Variants in BICD1 observed in about 807,000 individuals in gnomAD.
The protein encoded by BICD1 is BICD cargo adaptor 1.
A neutral mutation model predicts 92.5 loss-of-function variants in BICD1; 35 were observed. The ratio of observed to expected loss-of-function variants is 0.38; its 90% CI spans 0.29 to 0.50. The LOEUF is 0.50. BICD1 is among the 20% of genes least tolerant of loss of function. The probability of loss-of-function intolerance (pLI) is 0.93; values close to 1 mark genes in which losing one functional copy is unlikely to be tolerated. For synonymous variants in BICD1, 429 were observed against 465.1 expected (o/e 0.92, Z 1.00); for missense variants, 950 against 1,189.8 (o/e 0.80, Z 2.97).
chr12:32,244,495 C>T (rs956872396), intron 2 of BICD1, among the ~76,000 whole-genome samples: 2 of 152,176 alleles, frequency 1.3e-5, no homozygotes, highest in East Asian at 3.8e-4. Flanking sequence ...TTGGAGTTAC[C>T]TCCAATTGCC....
chr12:32,197,232 C>T (rs1944754394), intron 1 of BICD1, among the ~76,000 whole-genome samples: 1 of 152,146 alleles, frequency 6.6e-6, no homozygotes, highest in Non-Finnish European at 1.5e-5. Context: ...TGGTCTTGAA[C>T]TCCTGACCTC....
intron 1 of BICD1, among the ~76,000 whole-genome samples, chr12:32,209,865 C>T (rs1043824999): frequency 6.6e-6 from 1 of 152,166 alleles, no homozygotes; most frequent in African/African-American, 2.4e-5. Flanking sequence ...ATAGTAGTCA[C>T]TAGCCATATA....
At chr12:32,342,798 A>G (rs1450356882) in intron 8 of BICD1, among the ~76,000 whole-genome samples, 1 of 152,230 alleles carries the variant, frequency 6.6e-6, no homozygotes, top group Non-Finnish European at 1.5e-5. Context: ...TTTTATTTCT[A>G]TGAGATGGTA....
At chr12:32,171,339 C>T (rs1017817962) in intron 1 of BICD1, among the ~76,000 whole-genome samples, 3 of 152,182 alleles carry the variant, frequency 2.0e-5, no homozygotes, top group Non-Finnish European at 4.4e-5. Context: ...GCCCCGAAGG[C>T]GATGCTGTGG....
At chr12:32,207,214 A>G (rs1180376176) in intron 1 of BICD1, among the ~76,000 whole-genome samples, 1 of 132,914 alleles carries the variant, frequency 7.5e-6, no homozygotes, top group Non-Finnish European at 1.6e-5. Flanking sequence ...TTTTTTGTGC[A>G]TATTCAATAT....
intron 6 of BICD1, 60 bp downstream of exon 6, chr12:32,334,727 A>G (rs1938029857): frequency 6.5e-7 from 1 of 1,546,976 alleles, no homozygotes; most frequent in Admixed American, 1.9e-5. Context: ...TTTAAAATTC[A>G]CAGCCCTGCC....
chr12:32,267,995 G>A (rs1218649568), intron 2 of BICD1, among the ~76,000 whole-genome samples: 1 of 152,116 alleles, frequency 6.6e-6, no homozygotes, highest in Non-Finnish European at 1.5e-5. Context: ...TGAAGAAATG[G>A]TGTCTTACTG....
chr12:32,342,910 A>G (rs1312373888), intron 8 of BICD1, among the ~76,000 whole-genome samples: 2 of 152,194 alleles, frequency 1.3e-5, no homozygotes, highest in East Asian at 3.9e-4. Context: ...ATTGTATAGT[A>G]ATTGATTAAT....
intron 1 of BICD1, among the ~76,000 whole-genome samples, chr12:32,203,338 A>G (rs960812569): frequency 2.0e-5 from 3 of 152,234 alleles, no homozygotes; most frequent in Admixed American, 1.3e-4. Flanking sequence ...TCATTGAGCC[A>G]TCTTAAAATC....
At chr12:32,377,462 T>A (rs1940016461) in intron 9 of BICD1, 78 bp from the exon 10 acceptor site, 9 of 1,133,756 alleles carry the variant, frequency 7.9e-6, no homozygotes, top group Non-Finnish European at 1.2e-5. Context: ...TATGCAAAAA[T>A]ATCTCGTCTA....
chr12:32,340,278 G>A, intron 8 of BICD1: 1 of 985,336 alleles, frequency 1.0e-6, no homozygotes, highest in Non-Finnish European at 1.2e-6. Flanking sequence ...AGTTGGAATG[G>A]TGTAATAGCC....
intron 2 of BICD1, among the ~76,000 whole-genome samples, chr12:32,223,213 C>A (rs1260536094): frequency 6.6e-6 from 1 of 152,140 alleles, no homozygotes; most frequent in Non-Finnish European, 1.5e-5. Context: ...CCTCTCTCAG[C>A]CTTCATAGAA....
chr12:32,284,879 C>T (rs570941440), intron 2 of BICD1, among the ~76,000 whole-genome samples: 4 of 152,144 alleles, frequency 2.6e-5, no homozygotes, highest in African/African-American at 4.8e-5. Context: ...CAGAGGTTCG[C>T]GACACTAGAC....
intron 9 of BICD1, among the ~76,000 whole-genome samples, chr12:32,372,423 T>A (rs1939774490): frequency 6.6e-6 from 1 of 152,066 alleles, no homozygotes. Flanking sequence ...GAGGTTGCAG[T>A]GAACCAAGAT....
At chr12:32,206,108 T>A (rs1160817149) in intron 1 of BICD1, among the ~76,000 whole-genome samples, 1 of 152,214 alleles carries the variant, frequency 6.6e-6, no homozygotes, top group African/African-American at 2.4e-5. Context: ...TATTCACCAA[T>A]TGATGGATAT....
chr12:32,345,699 G>A (rs1938539505), intron 8 of BICD1, among the ~76,000 whole-genome samples: 1 of 152,130 alleles, frequency 6.6e-6, no homozygotes, highest in South Asian at 2.1e-4. Context: ...CTTTAAGAAA[G>A]CTTGGAATGT....
intron 8 of BICD1, chr12:32,339,849 T>G (rs1938292042): frequency 1.0e-6 from 1 of 969,876 alleles, no homozygotes; most frequent in South Asian, 4.8e-5. Context: ...TCAAGAGATT[T>G]TATATGAACA....
intron 2 of BICD1, among the ~76,000 whole-genome samples, chr12:32,249,399 A>G (rs1946471230): frequency 6.6e-6 from 1 of 152,170 alleles, no homozygotes; most frequent in Non-Finnish European, 1.5e-5. Context: ...TAATGGATAA[A>G]TGTACTTCAA....
intron 6 of BICD1, among the ~76,000 whole-genome samples, chr12:32,336,694 AAG>A (rs1314988822): frequency 6.6e-6 from 1 of 152,244 alleles, no homozygotes; most frequent in Admixed American, 6.5e-5. Context: ...ATACAGTAAA[AAG>A]AGCTACTGTA....
Sources: gnomAD v4.1 joint callset for allele counts (sites outside exome capture counted in the v4.1 genomes callset) on GRCh38, gnomAD v4.1.1 for gene constraint, MANE v1.5 for transcripts, NCBI Gene and HGNC (gene_info 2026-07-23, HGNC 2026-07-21) for gene names.